CNTN4: variants seen among roughly 807,000 people sequenced by gnomAD.
CNTN4 encodes contactin 4.
A neutral mutation model predicts 122.5 loss-of-function variants in CNTN4; 77 were observed. The ratio of observed to expected loss-of-function variants is 0.63; its 90% CI spans 0.52 to 0.76. CNTN4 has a LOEUF of 0.76. CNTN4 is among the 30% of genes least tolerant of loss of function. The probability of loss-of-function intolerance (pLI) is 0.00; values close to 1 mark genes in which losing one functional copy is unlikely to be tolerated. For synonymous variants in CNTN4, 512 were observed against 447.0 expected (o/e 1.15, Z -1.83); for missense variants, 1,256 against 1,259.1 (o/e 1.00, Z 0.04).
At chr3:2,593,080 C>G (rs1438157312) in intron 4 of CNTN4, among the ~76,000 whole-genome samples, 1 of 152,198 alleles carries the variant, frequency 6.6e-6, no homozygotes, top group African/African-American at 2.4e-5. Context: ...TCTCCCTGAA[C>G]TCACATGTTG....
chr3:2,366,714 G>A (rs887481867), intron 3 of CNTN4, among the ~76,000 whole-genome samples: 9 of 150,862 alleles, frequency 6.0e-5, no homozygotes, highest in African/African-American at 1.5e-4. Context: ...GTGACAAAGC[G>A]AGACTCTGTC....
chr3:2,212,666 G>A (rs1239522677), intron 2 of CNTN4, among the ~76,000 whole-genome samples: 4 of 152,156 alleles, frequency 2.6e-5, no homozygotes, highest in Non-Finnish European at 5.9e-5. Context: ...CAGCCAAACC[G>A]TATCAGCTAC....
chr3:2,287,629 AAGG>A (rs199708793), intron 2 of CNTN4, among the ~76,000 whole-genome samples: 2,148 of 43,694 alleles, frequency 0.049, 53 homozygotes, highest in East Asian at 0.15. Flanking sequence ...GGAGAAGGAG[AAGG>A]AGAAGAAGAA....
chr3:2,373,689 C>T lies in CNTN4; in HGVS notation c.-89+34456C>T, dbSNP rs549101881. Among the ~76,000 whole-genome samples the T allele has an allele frequency of 2.9e-4, 44 of 152,180 alleles. No individual in the cohort carries two copies. The East Asian group carries it at 8.1e-3, about 28-fold the overall frequency. On this transcript the variant is annotated intron_variant, in intron 3 of 24. Coordinates refer to ENST00000418658, the MANE Select transcript of CNTN4 (RefSeq NM_175607.3). Reference sequence around the variant, plus strand: ...TTGGCAGAAGTATCAATAACATCGGCGCCTAAAATAAATATTAAGTTGTAA... The same window carrying T: ...TTGGCAGAAGTATCAATAACATCGGTGCCTAAAATAAATATTAAGTTGTAA...
intron 3 of CNTN4, among the ~76,000 whole-genome samples, chr3:2,543,892 T>C (rs1019623161): frequency 6.6e-6 from 1 of 152,260 alleles, no homozygotes; most frequent in South Asian, 2.1e-4. Flanking sequence ...CAGTGGACTT[T>C]TAAAAAATCA....
chr3:2,591,099 G>T (rs932114984), intron 4 of CNTN4, among the ~76,000 whole-genome samples: 1 of 152,064 alleles, frequency 6.6e-6, no homozygotes, highest in Non-Finnish European at 1.5e-5. Context: ...ATTGCTAATT[G>T]CTTTCATCTC....
At chr3:2,584,324 C>G (rs1223382850) in intron 4 of CNTN4, among the ~76,000 whole-genome samples, 2 of 151,860 alleles carry the variant, frequency 1.3e-5, no homozygotes, top group Admixed American at 1.3e-4. Context: ...GCCTTCTGGC[C>G]TTTCTGTCAT....
chr3:2,268,496 TTATTA>T (rs1307459829), intron 2 of CNTN4, among the ~76,000 whole-genome samples: 1 of 150,834 alleles, frequency 6.6e-6, no homozygotes, highest in Non-Finnish European at 1.5e-5. Context: ...TTTGATTCTT[TTATTA>T]TATTAATAGT....
At chr3:2,300,862 C>T (rs2042489669) in intron 2 of CNTN4, among the ~76,000 whole-genome samples, 2 of 152,146 alleles carry the variant, frequency 1.3e-5, no homozygotes, top group South Asian at 4.1e-4. Flanking sequence ...AGCCACCGTG[C>T]CTGGCCGATC....
chr3:2,287,112 T>C (rs1049472755), intron 2 of CNTN4, among the ~76,000 whole-genome samples: 12 of 152,318 alleles, frequency 7.9e-5, no homozygotes, highest in Admixed American at 7.8e-4. Context: ...GTTGTAGAGA[T>C]GATTTTATCA....
At chr3:2,848,387 GT>G (rs2093491341) in intron 7 of CNTN4, among the ~76,000 whole-genome samples, 1 of 152,216 alleles carries the variant, frequency 6.6e-6, no homozygotes, top group African/African-American at 2.4e-5. Flanking sequence ...AAGGGGGTTG[GT>G]TTTGTTTTCA....
chr3:2,705,033 G>A (rs1306681337), intron 4 of CNTN4, among the ~76,000 whole-genome samples: 1 of 151,716 alleles, frequency 6.6e-6, no homozygotes, highest in Admixed American at 6.6e-5. Context: ...ATACATATGT[G>A]TGTATATATA....
At chr3:2,561,551 G>A (rs2078955557) in intron 3 of CNTN4, among the ~76,000 whole-genome samples, 1 of 152,098 alleles carries the variant, frequency 6.6e-6, no homozygotes, top group Admixed American at 6.6e-5. Context: ...CCCAGAACCA[G>A]ATCCTTCCAC....
chr3:2,900,864 C>A (rs201251409), intron 11 of CNTN4, 43 bp downstream of exon 11: 1 of 1,609,880 alleles, frequency 6.2e-7, no homozygotes, highest in East Asian at 2.2e-5. Flanking sequence ...TTGACTATAA[C>A]GTTTAATATA....
chr3:2,886,752 G>T (rs1018042958), intron 9 of CNTN4, among the ~76,000 whole-genome samples: 1 of 152,078 alleles, frequency 6.6e-6, no homozygotes, highest in African/African-American at 2.4e-5. Context: ...GACCTCAAGT[G>T]ATCTGTCCGC....
chr3:3,017,024 G>A (rs936972609), intron 14 of CNTN4, among the ~76,000 whole-genome samples: 2 of 152,096 alleles, frequency 1.3e-5, no homozygotes, highest in Non-Finnish European at 2.9e-5. Context: ...TGTGCCTCTC[G>A]GTATGAATCG....
intron 3 of CNTN4, among the ~76,000 whole-genome samples, chr3:2,421,252 T>C (rs1463734101): frequency 9.2e-4 from 1 of 1,090 alleles, no homozygotes; most frequent in Non-Finnish European, 2.2e-3. Flanking sequence ...AGGGGGTTTC[T>C]TTTTTTTTTT....
At chr3:2,579,037 C>G (rs538238087) in intron 4 of CNTN4, among the ~76,000 whole-genome samples, 1 of 152,072 alleles carries the variant, frequency 6.6e-6, no homozygotes, top group South Asian at 2.1e-4. Flanking sequence ...ATTTTATATC[C>G]CCATAGGCAT....
At chr3:2,499,357 T>C (rs182128908) in intron 3 of CNTN4, among the ~76,000 whole-genome samples, 39 of 152,300 alleles carry the variant, frequency 2.6e-4, no homozygotes, top group Admixed American at 2.5e-3. Flanking sequence ...CTAATGGATA[T>C]AGAGTTTATT....
Sources: allele counts gnomAD v4.1 joint callset (sites outside exome capture counted in the v4.1 genomes callset), GRCh38; gene constraint gnomAD v4.1.1; transcripts MANE v1.5; gene names NCBI Gene and HGNC (gene_info 2026-07-23, HGNC 2026-07-21).